Variants in UPF1 observed in about 807,000 individuals in gnomAD.
UPF1 encodes the protein UPF1 RNA helicase and ATPase.
A neutral mutation model predicts 129.2 loss-of-function variants in UPF1; 9 were observed. That is an observed-to-expected ratio of 0.07 (90% CI 0.04 to 0.12). The LOEUF (loss-of-function observed/expected upper bound fraction) is 0.12. Ranked by LOEUF, UPF1 falls within the 10% of genes least tolerant of loss-of-function variation. UPF1 has a pLI of 1.00. For synonymous variants in UPF1, 649 were observed against 644.9 expected (o/e 1.01, Z -0.10); for missense variants, 788 against 1,525.3 (o/e 0.52, Z 8.05).
intron 1 of UPF1, among the ~76,000 whole-genome samples, chr19:18,845,093 C>G (rs1170297082): frequency 6.6e-6 from 1 of 152,212 alleles, no homozygotes; most frequent in South Asian, 2.1e-4. Context: ...GGCATTAGGC[C>G]GAGGGGCTGT....
At chr19:18,834,969 C>T (rs1453498203) in intron 1 of UPF1, among the ~76,000 whole-genome samples, 1 of 152,184 alleles carries the variant, frequency 6.6e-6, no homozygotes, top group African/African-American at 2.4e-5. Context: ...CCACAACATA[C>T]AATTTACCCA....
At position 18,861,293 on chromosome 19, in the gene UPF1, T is replaced by G. The variant is rs1259403119; in HGVS notation, c.2457+311T>G. Among the ~76,000 whole-genome samples, 7 of 152,244 alleles carry G rather than the reference T, an allele frequency of 4.6e-5. No homozygotes were observed. The East Asian group carries it at 1.3e-3, about 29-fold the overall frequency. On this transcript the variant is annotated intron_variant, in intron 17 of 23. Coordinates refer to ENST00000262803, the MANE Select transcript of UPF1 (RefSeq NM_002911.4). The stretch of plus-strand genomic sequence containing the variant: ...TCCAAGGTGGAACGGCAGTGGTCTG[T>G]GCCTGCCACACACTGGATGTTGTGC...
At chr19:18,838,981 A>C (rs2055512296) in intron 1 of UPF1, among the ~76,000 whole-genome samples, 1 of 152,080 alleles carries the variant, frequency 6.6e-6, no homozygotes, top group Non-Finnish European at 1.5e-5. Flanking sequence ...AGGACTAACT[A>C]AAAAAAGAGT....
intron 2 of UPF1, 41 bp downstream of exon 2, chr19:18,846,160 G>A (rs1223101632): frequency 6.2e-7 from 1 of 1,610,354 alleles, no homozygotes; most frequent in African/African-American, 1.3e-5. Flanking sequence ...TGCTGGACAG[G>A]TGGGTGCCTC....
At chr19:18,835,930 G>A (rs1332938170) in intron 1 of UPF1, among the ~76,000 whole-genome samples, 1 of 152,220 alleles carries the variant, frequency 6.6e-6, no homozygotes, top group Non-Finnish European at 1.5e-5. Context: ...AACTGGTTTT[G>A]CGCAGTTGGT....
At chr19:18,855,059 G>A (rs370437288) in intron 10 of UPF1, 21 bp downstream of exon 10, 7 of 1,613,020 alleles carry the variant, frequency 4.3e-6, no homozygotes, top group South Asian at 1.1e-5. Context: ...TCCTCAGCGC[G>A]CGGGGCCTCG....
chr19:18,854,761 T>C, intron 9 of UPF1, 52 bp downstream of exon 9: 1 of 1,605,852 alleles, frequency 6.2e-7, no homozygotes, highest in South Asian at 1.1e-5. Context: ...ACCTGTGGCA[T>C]CTTTATGAGC....
chr19:18,840,658 G>A (rs781139310), intron 1 of UPF1, among the ~76,000 whole-genome samples: 3 of 152,184 alleles, frequency 2.0e-5, no homozygotes, highest in African/African-American at 4.8e-5. Flanking sequence ...GAGTGGGTCC[G>A]GGCCCTGGCA....
intron 15 of UPF1, 151 bp downstream of exon 15, chr19:18,857,684 G>A: frequency 6.6e-6 from 6 of 911,206 alleles, no homozygotes; most frequent in Non-Finnish European, 9.8e-6. Context: ...CCAAGGTCTT[G>A]ATGGTATGGT....
intron 1 of UPF1, among the ~76,000 whole-genome samples, chr19:18,844,152 G>A (rs1269704874): frequency 6.6e-6 from 1 of 151,998 alleles, no homozygotes; most frequent in Admixed American, 6.6e-5. Context: ...GGTTTTAGTC[G>A]TAGCTAGGTT....
chr19:18,863,709 A>AG, intron 19 of UPF1, 97 bp downstream of exon 19: 1 of 1,067,846 alleles, frequency 9.4e-7, no homozygotes, highest in South Asian at 1.4e-5. Context: ...CCGTGAGCTG[A>AG]GGGAGGGCTC....
Position 18,851,191 on chromosome 19 carries a change from G to T in UPF1, c.810+323G>T, listed in dbSNP as rs989403114. The T allele has an allele frequency of 3.1e-5, 7 of 225,662 alleles. No individual in the cohort carries two copies. The highest frequency in any genetic ancestry group is 5.3e-5 in the Non-Finnish European group (6 of 113,372). 14.0% of individuals were successfully genotyped at this position (225,662 alleles called of 1,614,324 possible). A position where few individuals can be genotyped will look rare whatever the true frequency, so the allele number is the denominator to read the frequency against. On this transcript the variant is annotated intron_variant, in intron 5 of 23. Transcript: ENST00000262803. The surrounding 1 kb of genome is among the most constrained non-coding windows in gnomAD (Gnocchi z 4.2). The stretch of plus-strand genomic sequence containing the variant: ...GCTGTGGGCAGACTTGTCCTGCAGA[G>T]CCTGAACCTGCCCAGACAGGTGGGC...
chr19:18,862,441 G>C (rs967313769), intron 18 of UPF1, among the ~76,000 whole-genome samples: 1 of 152,110 alleles, frequency 6.6e-6, no homozygotes, highest in Non-Finnish European at 1.5e-5. Context: ...TGTAAGTTTT[G>C]GTCCTGTCCA....
At chr19:18,854,368 G>T (rs982445834) in intron 8 of UPF1, among the ~76,000 whole-genome samples, 1 of 152,230 alleles carries the variant, frequency 6.6e-6, no homozygotes, top group African/African-American at 2.4e-5. Flanking sequence ...AGGAACTCCA[G>T]GCTGGCTGGG....
intron 19 of UPF1, 65 bp downstream of exon 19, chr19:18,863,677 C>T (rs1024343673): frequency 1.1e-5 from 16 of 1,473,452 alleles, no homozygotes; most frequent in African/African-American, 9.9e-5. Flanking sequence ...CTGCTGGGAA[C>T]GTGCCAGCTT....
Position 18,867,482 on chromosome 19 carries a change from G to A in UPF1, c.*965G>A, listed in dbSNP as rs1601137957. ...AGAAGGTGGCTGTTCCCGGATTGAC[G>A]GCTTTTTCCCGGGGGCCTTTGGAAG... is the stretch of plus-strand genomic sequence containing the variant. On this transcript the variant is annotated 3_prime_UTR_variant, in exon 24 of 24. Transcript: ENST00000262803. 1 of 152,454 alleles carries A rather than the reference G, an allele frequency of 6.6e-6. No homozygotes were observed. The highest frequency in any genetic ancestry group is 6.5e-5 in the Admixed American group (1 of 15,288). 9.4% of individuals were successfully genotyped at this position (152,454 alleles called of 1,614,324 possible).
intron 6 of UPF1, 63 bp downstream of exon 6, chr19:18,852,359 C>T (rs949338977): frequency 1.3e-6 from 2 of 1,582,374 alleles, no homozygotes; most frequent in African/African-American, 2.7e-5. Flanking sequence ...TCTCCTCAGG[C>T]TTCCAGAGGG....
At chr19:18,855,275 C>G in intron 11 of UPF1, 33 bp downstream of exon 11, 1 of 1,601,502 alleles carries the variant, frequency 6.2e-7, no homozygotes, top group Non-Finnish European at 8.5e-7. Context: ...GGGCAAGACC[C>G]GGGAGGGCTT....
At position 18,861,071 on chromosome 19, in the gene UPF1, G is replaced by A. The variant is rs61077411; in HGVS notation, c.2457+89G>A. 54,000 of 1,454,608 alleles carry A rather than the reference G, an allele frequency of 0.037. 1,178 individuals are homozygous for A. Among genetic ancestry groups the A allele is most frequent in the African/African-American group, 0.069 (4,884 of 71,154 alleles). The allele number at this position is 1,454,608 out of a possible 1,614,324, so 90.1% of individuals were successfully genotyped here. ...TTAAGTTACCCCCCAAGAGGGGCCC[G>A]TCCTGGCTGGAGCTCAGAATGGCCC... is the stretch of plus-strand genomic sequence containing the variant. On this transcript the variant is annotated intron_variant, in intron 17 of 23. Coordinates refer to ENST00000262803, the MANE Select transcript of UPF1 (RefSeq NM_002911.4).
Sources: gnomAD v4.1 joint callset for allele counts (sites outside exome capture counted in the v4.1 genomes callset) on GRCh38, gnomAD v4.1.1 for gene constraint, Gnocchi (gnomAD v3.1) non-coding constraint, MANE v1.5 for transcripts, NCBI Gene and HGNC (gene_info 2026-07-23, HGNC 2026-07-21) for gene names.